The following GLT8D2 variants were observed in gnomAD, a reference collection of about 807,000 sequenced individuals.
GLT8D2 encodes glycosyltransferase 8 domain-containing protein 2.
Under a neutral mutation model 44.5 loss-of-function variants are expected in GLT8D2, and 45 were observed. The ratio of observed to expected loss-of-function variants is 1.01; its 90% CI spans 0.80 to 1.30. The LOEUF (loss-of-function observed/expected upper bound fraction) is 1.30, where lower values mean the gene tolerates loss of function less well. Among genes scored for constraint, GLT8D2 ranks in the 50% most tolerant of loss-of-function variants. GLT8D2 has a pLI of 0.00. For synonymous variants in GLT8D2, 156 were observed against 157.2 expected (o/e 0.99, Z 0.06); for missense variants, 400 against 430.4 (o/e 0.93, Z 0.62).
At chr12:104,007,750 C>A (rs1443550328) in intron 4 of GLT8D2, among the ~76,000 whole-genome samples, 1 of 152,180 alleles carries the variant, frequency 6.6e-6, no homozygotes, top group East Asian at 1.9e-4. Flanking sequence ...TCACCAAAAT[C>A]TCATCATGAA....
At chr12:104,064,411 T>C (rs1251790482), upstream of GLT8D2, 3 of 677,776 alleles carry the variant, frequency 4.4e-6, no homozygotes, top group Non-Finnish European at 6.6e-6. The surrounding 1 kb of genome is among the most constrained non-coding windows in gnomAD (Gnocchi z 7.3). Context: ...CCCCAGCGTC[T>C]CTCCACTGCC....
intron 1 of GLT8D2, among the ~76,000 whole-genome samples, chr12:104,023,848 G>C (rs1486950478): frequency 6.6e-6 from 1 of 152,144 alleles, no homozygotes; most frequent in Non-Finnish European, 1.5e-5. Context: ...ATTCATACTA[G>C]CTATTGCCTT....
At chr12:104,026,540 TAATAC>T (rs1878598519) in intron 1 of GLT8D2, among the ~76,000 whole-genome samples, 1 of 152,214 alleles carries the variant, frequency 6.6e-6, no homozygotes, top group African/African-American at 2.4e-5. Context: ...TCTATATGCT[TAATAC>T]AATACCTTGG....
Position 104,015,095 on chromosome 12 carries a change from C to T in GLT8D2, c.30G>A (p.Val10=). ...GGGTCACGATCAGAAGGAACAGCAG[C>T]ACCTGATTAACTGAAATAGAAATGG... MALLRKINQ[V]LLFLLIVTLC... The change falls in exon 4 of 11, where the codon GTG becomes GTA. Residue 10 remains valine, a synonymous_variant. Coordinates refer to ENST00000360814, the MANE Select transcript of GLT8D2 (RefSeq NM_001384711.1). 6.2e-7 allele frequency: 1 copy of T among 1,612,510 alleles called. No homozygotes were observed. Among genetic ancestry groups the T allele is most frequent in the East Asian group, 2.2e-5 (1 of 44,874 alleles).
rs1169759472 is a variant in GLT8D2 at position 103,990,278 on chromosome 12, C to G, written c.881-701G>C. 5.3e-5 allele frequency among the ~76,000 whole-genome samples: 8 copies of G among 151,902 alleles called. No homozygotes were observed. The East Asian group carries it at 1.5e-3, about 29-fold the overall frequency. The stretch of plus-strand genomic sequence containing the variant: ...GTTTATAGGGGTTCTTTTTTCTCTG[C>G]ATTTCACCTCCTTAATGAAAAATGG... On this transcript the variant is annotated intron_variant, in intron 10 of 10. Transcript: ENST00000360814.
intron 1 of GLT8D2, among the ~76,000 whole-genome samples, chr12:104,039,973 A>C (rs997699242): frequency 6.6e-6 from 1 of 152,216 alleles, no homozygotes; most frequent in Non-Finnish European, 1.5e-5. Context: ...GCCATAAAAA[A>C]GGTGAGCTCA....
chr12:104,004,031 A>C (rs1874612576), intron 4 of GLT8D2, among the ~76,000 whole-genome samples: 1 of 152,198 alleles, frequency 6.6e-6, no homozygotes, highest in Admixed American at 6.5e-5. Context: ...CTTATTCACC[A>C]TAATCAAGTG....
intron 1 of GLT8D2, among the ~76,000 whole-genome samples, chr12:104,030,423 G>A (rs541319282): frequency 3.2e-4 from 48 of 152,054 alleles, no homozygotes; most frequent in African/African-American, 1.1e-3. Context: ...TGTGTAAGAT[G>A]TGAAACTGTA....
chr12:104,000,145 G>T (rs1874006035), intron 5 of GLT8D2, among the ~76,000 whole-genome samples: 1 of 151,988 alleles, frequency 6.6e-6, no homozygotes, highest in Admixed American at 6.6e-5. Flanking sequence ...AATGACTAAA[G>T]CCACCTAGGG....
intron 1 of GLT8D2, among the ~76,000 whole-genome samples, chr12:104,049,172 C>T (rs560510782): frequency 2.8e-5 from 4 of 144,052 alleles, no homozygotes; most frequent in Middle Eastern, 3.5e-3. Context: ...GGCCAAACAA[C>T]GAGAGGACTG....
At chr12:103,995,809 A>G (rs1873341856) in intron 8 of GLT8D2, among the ~76,000 whole-genome samples, 1 of 152,248 alleles carries the variant, frequency 6.6e-6, no homozygotes, top group Non-Finnish European at 1.5e-5. Flanking sequence ...AACCTCACAC[A>G]GGAGTCATGG....
rs1212939609 is a variant in GLT8D2, at chr12:104,014,375, TA to T, written c.112+637del. ...GTCTCAAAAAAAAAAGTAAATTAAT[TA>T]AAAATGTAATAAACAGTGCTTCCTG... On this transcript the variant is annotated intron_variant, in intron 4 of 10. Transcript: ENST00000360814. The T allele has an allele frequency of 4.5e-6, 3 of 662,144 alleles. No individual in the cohort carries two copies. The African/African-American group carries it at 5.4e-5, about 12-fold the overall frequency. 41.0% of individuals were successfully genotyped at this position (662,144 alleles called of 1,614,324 possible). A position where few individuals can be genotyped will look rare whatever the true frequency, so the allele number is the denominator to read the frequency against.
At chr12:104,043,284 T>C (rs577508487) in intron 1 of GLT8D2, among the ~76,000 whole-genome samples, 33 of 152,270 alleles carry the variant, frequency 2.2e-4, no homozygotes, top group African/African-American at 7.5e-4. Flanking sequence ...ATATAATTTA[T>C]ATGCTGAAAA....
At chr12:104,022,790 G>GCA (rs140982372) in intron 1 of GLT8D2, among the ~76,000 whole-genome samples, 25 of 148,958 alleles carry the variant, frequency 1.7e-4, no homozygotes, top group South Asian at 2.1e-4. Context: ...ACACACACAT[G>GCA]CACACACACA....
At chr12:103,998,339 A>G (rs1338992563) in intron 6 of GLT8D2, among the ~76,000 whole-genome samples, 1 of 151,868 alleles carries the variant, frequency 6.6e-6, no homozygotes, top group Non-Finnish European at 1.5e-5. Context: ...GACTCAAACA[A>G]TCCTCCCACC....
In GLT8D2 at chr12:103,999,396, C is replaced by T. The variant is rs1873906711; in HGVS notation, c.402+1G>A. 6.3e-7 allele frequency: 1 copy of T among 1,579,568 alleles called. No individual in the cohort carries two copies. Among genetic ancestry groups the T allele is most frequent in the Non-Finnish European group, 8.7e-7 (1 of 1,148,560 alleles). ...CCAGCACCTGTGTGGTCCCTACTTACAGGCTGGAGCAATTCAGGCCTCGAT... is the reference window on the plus strand; with the variant it reads ...CCAGCACCTGTGTGGTCCCTACTTATAGGCTGGAGCAATTCAGGCCTCGAT... On this transcript the variant is annotated splice_donor_variant, in intron 6 of 10. Transcript: ENST00000360814. LOFTEE classifies it high-confidence loss of function.
chr12:104,007,263 T>C (rs1448173204), intron 4 of GLT8D2, among the ~76,000 whole-genome samples: 1 of 147,076 alleles, frequency 6.8e-6, no homozygotes, highest in African/African-American at 2.6e-5. Flanking sequence ...TCTCTCTCTC[T>C]CTCCCCCCGC....
At chr12:104,019,729 A>C in intron 2 of GLT8D2, 53 bp from the exon 3 acceptor site, 163 of 1,210,960 alleles carry the variant, frequency 1.3e-4, no homozygotes, top group Non-Finnish European at 1.8e-4. Context: ...CTTAAAACTC[A>C]TCAACAAGTG....
chr12:104,025,067 CAAAAA>C (rs34885430), intron 1 of GLT8D2, among the ~76,000 whole-genome samples: 1,024 of 67,188 alleles, frequency 0.015, 9 homozygotes, highest in Non-Finnish European at 0.023. Flanking sequence ...GAGACTTTGT[CAAAAA>C]AAAAAAAAAA....
Sources: gnomAD v4.1 joint callset for allele counts (sites outside exome capture counted in the v4.1 genomes callset) on GRCh38, gnomAD v4.1.1 for gene constraint, Gnocchi (gnomAD v3.1) non-coding constraint, MANE v1.5 for transcripts, NCBI Gene and HGNC (gene_info 2026-07-23, HGNC 2026-07-21) for gene names.